The following COL4A4 variants were observed in gnomAD, a reference collection of about 807,000 sequenced individuals.
The protein encoded by COL4A4 is collagen type IV alpha 4 chain.
Under a neutral mutation model 192.9 loss-of-function variants are expected in COL4A4, and 105 were observed. The observed-to-expected ratio is 0.54, with a 90% CI of 0.46 to 0.64. COL4A4 has a LOEUF of 0.64. COL4A4 is among the 30% of genes least tolerant of loss of function. The pLI is 0.00. For missense variants in COL4A4, 1,967 were observed against 2,169.3 expected, an observed-to-expected ratio of 0.91 and a Z score of 1.85; for synonymous variants, 762 against 769.9, an observed-to-expected ratio of 0.99 and a Z score of 0.17.
At chr2:227,026,686 A>G (rs1966889341) in intron 42 of COL4A4, among the ~76,000 whole-genome samples, 1 of 152,106 alleles carries the variant, frequency 6.6e-6, no homozygotes, top group Non-Finnish European at 1.5e-5. Flanking sequence ...ACTTCTGCCC[A>G]TCTCAAATAC....
the COL4A4 span, among the ~76,000 whole-genome samples, chr2:226,967,877 A>G: frequency 6.6e-6 from 1 of 152,086 alleles, no homozygotes; most frequent in Non-Finnish European, 1.5e-5. Context: ...CCCTGCAGGC[A>G]CAGGACTGTC....
chr2:227,114,789 A>G, intron 7 of COL4A4, 93 bp from the exon 8 acceptor site: 1 of 994,516 alleles, frequency 1.0e-6, no homozygotes, highest in South Asian at 1.3e-5. Context: ...CATCAGTTAA[A>G]ATTACCATTA....
intron 7 of COL4A4, 115 bp from the exon 8 acceptor site, chr2:227,114,811 A>T: frequency 1.2e-6 from 1 of 846,960 alleles, no homozygotes; most frequent in South Asian, 1.4e-5. Context: ...TGACATGATT[A>T]ACAAGAAGAC....
intron 13 of COL4A4, 148 bp downstream of exon 13, chr2:227,103,824 G>T (rs2060661677): frequency 1.4e-6 from 1 of 704,296 alleles, no homozygotes; most frequent in Non-Finnish European, 2.5e-6. Context: ...CGCACGATGG[G>T]GCCAACAGTA....
chr2:227,056,014 G>A lies in COL4A4; in HGVS notation c.2647C>T (p.Pro883Ser), dbSNP rs200761108. ...GLPGRPGAHG[P>S]PGLPGIPGPF... ...CCTGGGATTCCTGGGAGGCCTGGGG[G>A]ACCATGTGCCCCAGGCCGTCCTGGG... The change falls in exon 30 of 48, where the codon CCC becomes TCC. Residue 883 changes from proline to serine, a missense_variant. Pro to Ser is a moderately conservative substitution (Grantham distance 74). Coordinates refer to ENST00000396625, the MANE Select transcript of COL4A4 (RefSeq NM_000092.5). 1.1e-5 allele frequency: 17 copies of A among 1,613,204 alleles called. No individual in the cohort carries two copies. In the Admixed American group the frequency reaches 2.0e-4, roughly 19 times the overall value.
At chr2:227,141,483 T>G (rs2063207256) in intron 3 of COL4A4, among the ~76,000 whole-genome samples, 1 of 152,232 alleles carries the variant, frequency 6.6e-6, no homozygotes, top group African/African-American at 2.4e-5. Context: ...CAGGTATATG[T>G]GTATGGGAGG....
chr2:227,146,414 T>G (rs1429826338), intron 2 of COL4A4, among the ~76,000 whole-genome samples: 4 of 152,206 alleles, frequency 2.6e-5, no homozygotes, highest in Non-Finnish European at 5.9e-5. Context: ...CCCCGTAATT[T>G]CTTGTTCATT....
chr2:227,075,260 T>C lies in COL4A4; in HGVS notation c.1987+2634A>G, dbSNP rs564571364. ...AATGCAAAAACCCTCAATAAAATAC[T>C]GGCAAACGGAATCCAGCAGCACATC... On this transcript the variant is annotated intron_variant, in intron 25 of 47. Transcript: ENST00000396625. Among the ~76,000 whole-genome samples, 80 of 152,294 alleles carry C rather than the reference T, an allele frequency of 5.3e-4. 1 individual carries two copies. Among genetic ancestry groups the C allele is most frequent in the South Asian group, 2.7e-3 (13 of 4,834 alleles).
chr2:226,971,811 C>A, the COL4A4 span, among the ~76,000 whole-genome samples: 28 of 151,360 alleles, frequency 1.8e-4, no homozygotes, highest in East Asian at 5.1e-3. Context: ...TTTTTTAATC[C>A]AAAGGTGGAT....
In COL4A4 at chr2:227,002,968, G is replaced by C. The variant is rs541843611; in HGVS notation, c.*4357C>G. 1.3e-5 allele frequency: 2 copies of C among 152,614 alleles called. No individual in the cohort carries two copies. The highest frequency in any genetic ancestry group is 2.4e-5 in the African/African-American group (1 of 41,440). 9.5% of individuals were successfully genotyped at this position (152,614 alleles called of 1,614,324 possible). ...CATGGATGTGGCAGCCAGCCTTGGT[G>C]GTTTAAAATGCATTATGCAGAGTTT... On this transcript the variant is annotated 3_prime_UTR_variant, in exon 48 of 48. Transcript: ENST00000396625.
At chr2:226,988,377 AG>A in the COL4A4 span, 6 of 1,550,446 alleles carry the variant, frequency 3.9e-6, no homozygotes, top group Non-Finnish European at 5.2e-6. Context: ...CTGGACCCCA[AG>A]ATAAAGGTCA....
At chr2:227,064,684 C>T (rs2058185158) in intron 25 of COL4A4, among the ~76,000 whole-genome samples, 1 of 152,208 alleles carries the variant, frequency 6.6e-6, no homozygotes, top group African/African-American at 2.4e-5. Flanking sequence ...TTATAGCAGA[C>T]TTCTCAGCAG....
At chr2:227,090,047 T>A (rs1427447552) in intron 20 of COL4A4, 90 bp from the exon 21 acceptor site, 1 of 953,434 alleles carries the variant, frequency 1.0e-6, no homozygotes, top group African/African-American at 1.6e-5. Context: ...ACTCACATCC[T>A]CCCCCACGTG....
Position 227,060,156 on chromosome 2 carries a change from G to GCTGTTC in COL4A4, c.2138_2143dup (p.Gly713_Thr714dup), listed in dbSNP as rs777985749. The GCTGTTC allele has an allele frequency of 2.7e-6, 4 of 1,492,232 alleles. No individual in the cohort carries two copies. The allele number at this position is 1,492,232 out of a possible 1,614,324, so 92.4% of individuals were successfully genotyped here. A position where few individuals can be genotyped will look rare whatever the true frequency, so the allele number is the denominator to read the frequency against. ...CTGACCAGGTGGACCTGGTATTTCCGCTGTTCCTGGTGTGCCAGGTCTGCC... is the reference window on the plus strand; with the variant it reads ...CTGACCAGGTGGACCTGGTATTTCCGCTGTTCCTGTTCCTGGTGTGCCAGGTCTGCC... On this transcript the variant is annotated inframe_insertion, in exon 27 of 48. Coordinates refer to ENST00000396625, the MANE Select transcript of COL4A4 (RefSeq NM_000092.5).
At chr2:227,099,868 T>C (rs2060411746) in intron 17 of COL4A4, among the ~76,000 whole-genome samples, 179 bp from the exon 18 acceptor site, 1 of 152,194 alleles carries the variant, frequency 6.6e-6, no homozygotes, top group African/African-American at 2.4e-5. Context: ...ATCTAATCTC[T>C]TATCTACAAG....
chr2:227,021,015 G>C lies in COL4A4; in HGVS notation c.4216+1033C>G, dbSNP rs149689353. ...CAGGTGGCTGGGATTACAGGTGCCC[G>C]CCACCAAGCCCTGCTAATTTTTGTA... On this transcript the variant is annotated intron_variant, in intron 44 of 47. Coordinates refer to ENST00000396625, the MANE Select transcript of COL4A4 (RefSeq NM_000092.5). 2.6e-5 allele frequency among the ~76,000 whole-genome samples: 4 copies of C among 151,416 alleles called. No homozygotes were observed. The East Asian group carries it at 7.8e-4, about 30-fold the overall frequency.
At chr2:227,073,949 A>G (rs544174637) in intron 25 of COL4A4, among the ~76,000 whole-genome samples, 2 of 152,304 alleles carry the variant, frequency 1.3e-5, no homozygotes, top group South Asian at 2.1e-4. Flanking sequence ...TCAAAATTCT[A>G]TAAGACAACA....
rs781167410 is a variant in COL4A4, at chr2:227,062,605, T to C, written c.1988-7A>G. 10 of 1,610,006 alleles carry C rather than the reference T, an allele frequency of 6.2e-6. No homozygotes were observed. In the South Asian group the frequency reaches 6.6e-5, roughly 11 times the overall value. On this transcript the variant is annotated splice_polypyrimidine_tract_variant and splice_region_variant and intron_variant, in intron 25 of 47. Transcript: ENST00000396625. ...TTGCAAGAAATTGTGTCACCTGCAA[T>C]GAGAAAAGAAAAGCGGCATTCACAT...
At chr2:227,134,350 G>A (rs981563003) in intron 4 of COL4A4, among the ~76,000 whole-genome samples, 1 of 152,178 alleles carries the variant, frequency 6.6e-6, no homozygotes, top group African/African-American at 2.4e-5. Context: ...GGAAGATATA[G>A]CAAGAAGAAC....
Sources: allele counts gnomAD v4.1 joint callset (sites outside exome capture counted in the v4.1 genomes callset), GRCh38; gene constraint gnomAD v4.1.1; transcripts MANE v1.5; gene names NCBI Gene and HGNC (gene_info 2026-07-23, HGNC 2026-07-21).